Variants in CWC27 observed in about 807,000 individuals in gnomAD.
CWC27 encodes spliceosome-associated protein CWC27 homolog.
CWC27 carries 47 observed loss-of-function variants against 63.6 expected under a neutral mutation model. The observed-to-expected ratio is 0.74, with a 90% confidence interval of 0.58 to 0.94. CWC27 has a LOEUF of 0.94. Ranked by LOEUF, CWC27 falls within the 40% of genes least tolerant of loss-of-function variation. CWC27 has a pLI of 0.00. For synonymous variants in CWC27, 175 were observed against 179.8 expected, an observed-to-expected ratio of 0.97 and a Z score of 0.22; for missense variants, 495 against 554.3, an observed-to-expected ratio of 0.89 and a Z score of 1.07.
chr5:64,900,716 C>T (rs1471771119), intron 11 of CWC27, among the ~76,000 whole-genome samples: 1 of 151,908 alleles, frequency 6.6e-6, no homozygotes, highest in East Asian at 1.9e-4. Context: ...TTCACTTTGA[C>T]TTAATGTTTA....
chr5:64,918,068 T>C (rs1362302081), intron 11 of CWC27, among the ~76,000 whole-genome samples: 1 of 152,148 alleles, frequency 6.6e-6, no homozygotes, highest in Non-Finnish European at 1.5e-5. Context: ...ATTTGTTTTT[T>C]AGCATCTGAG....
At chr5:65,001,054 C>T (rs968494195) in intron 13 of CWC27, among the ~76,000 whole-genome samples, 1 of 151,446 alleles carries the variant, frequency 6.6e-6, no homozygotes, top group Non-Finnish European at 1.5e-5. Context: ...TAAATTTATT[C>T]CTAGTTTGGT....
intron 4 of CWC27, among the ~76,000 whole-genome samples, chr5:64,784,536 CATAAAT>C: frequency 6.6e-6 from 1 of 152,260 alleles, no homozygotes; most frequent in East Asian, 1.9e-4. Context: ...TCTCCATTCT[CATAAAT>C]ATGTTTCTAT....
At chr5:64,840,092 A>G (rs1745762510) in intron 10 of CWC27, among the ~76,000 whole-genome samples, 1 of 152,010 alleles carries the variant, frequency 6.6e-6, no homozygotes, top group African/African-American at 2.4e-5. Flanking sequence ...CCAGAGCTAA[A>G]TCTCTGAGTC....
intron 10 of CWC27, among the ~76,000 whole-genome samples, chr5:64,811,148 G>A (rs1744866647): frequency 6.6e-6 from 1 of 152,070 alleles, no homozygotes; most frequent in Non-Finnish European, 1.5e-5. Flanking sequence ...CAAGGTTGAT[G>A]AAAACTGGGG....
chr5:64,786,495 T>A, intron 5 of CWC27, 29 bp from the exon 6 acceptor site: 2 of 1,346,420 alleles, frequency 1.5e-6, no homozygotes, highest in Non-Finnish European at 2.0e-6. Flanking sequence ...AAAAATGGAA[T>A]AATGTTTTCG....
At chr5:64,986,416 A>G (rs1277679146) in intron 13 of CWC27, among the ~76,000 whole-genome samples, 5 of 152,182 alleles carry the variant, frequency 3.3e-5, no homozygotes, top group Non-Finnish European at 7.3e-5. Flanking sequence ...CTTTTTATAC[A>G]TTGTTGAATT....
chr5:64,972,540 TTA>T (rs34895173), intron 12 of CWC27: 132,160 of 285,508 alleles, frequency 0.46, 27,846 homozygotes, highest in African/African-American at 0.5. Context: ...ACAAACTGCC[TTA>T]TATATATATA....
intron 11 of CWC27, among the ~76,000 whole-genome samples, chr5:64,906,108 TTTG>T (rs1403124263): frequency 1.3e-5 from 2 of 152,188 alleles, no homozygotes; most frequent in African/African-American, 4.8e-5. Flanking sequence ...GTTCGAAGTC[TTTG>T]TTATTATGAG....
Position 64,943,331 on chromosome 5 carries a change from A to C in CWC27, c.1043-28372A>C, listed in dbSNP as rs146797402. Among the ~76,000 whole-genome samples, 74 of 152,360 alleles carry C rather than the reference A, an allele frequency of 4.9e-4. 1 individual carries two copies. The highest frequency in any genetic ancestry group is 1.5e-3 in the Admixed American group (23 of 15,302). ...TATCAGAAAATACTAAAAGGGAACAAAGCATTTTAAAAACATTCCAACAAT... is the reference window on the plus strand; with the variant it reads ...TATCAGAAAATACTAAAAGGGAACACAGCATTTTAAAAACATTCCAACAAT... On this transcript the variant is annotated intron_variant, in intron 11 of 13. Coordinates refer to ENST00000381070, the MANE Select transcript of CWC27 (RefSeq NM_005869.4).
At chr5:64,931,045 A>C (rs533660568) in intron 11 of CWC27, among the ~76,000 whole-genome samples, 1 of 152,160 alleles carries the variant, frequency 6.6e-6, no homozygotes, top group Non-Finnish European at 1.5e-5. Context: ...GGATCCTGGA[A>C]CAAAGGAAAA....
chr5:64,919,780 A>G (rs998753635), intron 11 of CWC27, among the ~76,000 whole-genome samples: 4 of 152,126 alleles, frequency 2.6e-5, no homozygotes, highest in Admixed American at 6.5e-5. Context: ...GGTTGATTCC[A>G]TGTCCTTGTC....
intron 10 of CWC27, among the ~76,000 whole-genome samples, chr5:64,870,482 TAAA>T (rs372653084): frequency 1.9e-4 from 9 of 48,336 alleles, no homozygotes; most frequent in African/African-American, 8.2e-4. Context: ...TTAAATTGGT[TAAA>T]AAAAAAAAAA....
chr5:64,925,690 A>C (rs896925525), intron 11 of CWC27, among the ~76,000 whole-genome samples: 1 of 152,228 alleles, frequency 6.6e-6, no homozygotes, highest in African/African-American at 2.4e-5. Flanking sequence ...CCAACTTTAC[A>C]TGATTTTCAG....
At chr5:64,811,407 C>T (rs1398767019) in intron 10 of CWC27, among the ~76,000 whole-genome samples, 1 of 151,924 alleles carries the variant, frequency 6.6e-6, no homozygotes, top group Admixed American at 6.6e-5. Flanking sequence ...TATAGTAATG[C>T]TATCTTTTAT....
intron 13 of CWC27, among the ~76,000 whole-genome samples, chr5:64,988,886 G>A (rs1240624852): frequency 6.6e-6 from 1 of 152,180 alleles, no homozygotes; most frequent in Non-Finnish European, 1.5e-5. Flanking sequence ...TTACAGGCAT[G>A]AACCACCACG....
At position 64,826,710 on chromosome 5, in the gene CWC27, T is replaced by TTG. The variant is rs1463680624; in HGVS notation, c.938+22325_938+22326insGT. On this transcript the variant is annotated intron_variant, in intron 10 of 13. Coordinates refer to ENST00000381070, the MANE Select transcript of CWC27 (RefSeq NM_005869.4). ...TAACTTTGGTGTTTTTTTGTTTTTT[T>TTG]TTTTTGCTAATATCACAATGTAATA... Among the ~76,000 whole-genome samples, 7 of 151,820 alleles carry TTG rather than the reference T, an allele frequency of 4.6e-5. No homozygotes were observed. In the East Asian group the frequency reaches 1.4e-3, roughly 29 times the overall value.
intron 4 of CWC27, among the ~76,000 whole-genome samples, chr5:64,785,232 T>C (rs529056324): frequency 1.3e-5 from 2 of 152,328 alleles, no homozygotes; most frequent in Admixed American, 6.5e-5. Flanking sequence ...TTTGGCATTA[T>C]ATTATTAATA....
intron 11 of CWC27, among the ~76,000 whole-genome samples, chr5:64,953,253 T>C (rs527412832): frequency 6.6e-6 from 1 of 152,300 alleles, no homozygotes; most frequent in Admixed American, 6.5e-5. Flanking sequence ...CACACTGTTA[T>C]TATTCTGGCC....
Sources: gnomAD v4.1 joint callset for allele counts (sites outside exome capture counted in the v4.1 genomes callset) on GRCh38, gnomAD v4.1.1 for gene constraint, MANE v1.5 for transcripts, NCBI Gene and HGNC (gene_info 2026-07-23, HGNC 2026-07-21) for gene names.